The following CSMD1 variants were observed in gnomAD, a reference collection of about 807,000 sequenced individuals.
The protein encoded by CSMD1 is CUB and sushi domain-containing protein 1.
Under a neutral mutation model 417.5 loss-of-function variants are expected in CSMD1, and 213 were observed. That is an observed-to-expected ratio of 0.51 (90% CI 0.46 to 0.57). The LOEUF (loss-of-function observed/expected upper bound fraction) is 0.57. CSMD1 is among the 20% of genes least tolerant of loss of function. The pLI is 0.00. For missense variants in CSMD1, 6,923 were observed against 4,529.7 expected, an observed-to-expected ratio of 1.53 and a Z score of -15.17; for synonymous variants, 2,862 against 1,736.8, an observed-to-expected ratio of 1.65 and a Z score of -16.11.
intron 5 of CSMD1, among the ~76,000 whole-genome samples, chr8:3,795,727 T>C (rs188224116): frequency 0.057 from 2,646 of 46,770 alleles, 1,096 homozygotes; most frequent in Non-Finnish European, 0.09. Flanking sequence ...GCTATAGATA[T>C]CTATCATGTA....
intron 3 of CSMD1, among the ~76,000 whole-genome samples, chr8:4,218,718 A>T (rs972787517): frequency 1.3e-5 from 2 of 152,192 alleles, no homozygotes; most frequent in African/African-American, 2.4e-5. Flanking sequence ...CATTACAGTG[A>T]TGGTGACTGG....
chr8:3,140,933 TTC>T (rs1818399546), intron 41 of CSMD1, among the ~76,000 whole-genome samples: 1 of 152,244 alleles, frequency 6.6e-6, no homozygotes, highest in Admixed American at 6.5e-5. Context: ...CTGATTTTTT[TTC>T]TCTTTTTGTG....
At chr8:4,161,797 A>C in intron 3 of CSMD1, among the ~76,000 whole-genome samples, 1 of 152,112 alleles carries the variant, frequency 6.6e-6, no homozygotes, top group East Asian at 1.9e-4. Flanking sequence ...AAGAAACAAA[A>C]TTTGTTCATT....
intron 19 of CSMD1, 95 bp downstream of exon 19, chr8:3,369,159 C>G: frequency 1.6e-6 from 1 of 610,256 alleles, no homozygotes; most frequent in Non-Finnish European, 2.9e-6. Context: ...AAGTAGTTAT[C>G]TCACTTGTTT....
At chr8:4,655,802 G>T (rs1022046323) in intron 1 of CSMD1, among the ~76,000 whole-genome samples, 2 of 152,060 alleles carry the variant, frequency 1.3e-5, no homozygotes, top group African/African-American at 2.4e-5. Flanking sequence ...ATTACTCAAA[G>T]ACCTCCAACA....
intron 1 of CSMD1, among the ~76,000 whole-genome samples, chr8:4,784,747 T>C (rs903237782): frequency 6.6e-6 from 1 of 152,318 alleles, no homozygotes; most frequent in Non-Finnish European, 1.5e-5. Flanking sequence ...AATGAAGTCA[T>C]ATCTGCAAAG....
At chr8:4,383,899 C>T (rs1030176720) in intron 3 of CSMD1, among the ~76,000 whole-genome samples, 4 of 152,080 alleles carry the variant, frequency 2.6e-5, no homozygotes, top group Non-Finnish European at 5.9e-5. Flanking sequence ...ATTTTAGATA[C>T]TCATAAATGT....
chr8:4,631,736 G>A (rs893961580), intron 2 of CSMD1, among the ~76,000 whole-genome samples: 1 of 152,122 alleles, frequency 6.6e-6, no homozygotes, highest in African/African-American at 2.4e-5. Flanking sequence ...ATGATTTTCT[G>A]ATTTTAATGG....
At chr8:3,615,115 C>A (rs908830183) in intron 8 of CSMD1, among the ~76,000 whole-genome samples, 1 of 152,170 alleles carries the variant, frequency 6.6e-6, no homozygotes, top group Admixed American at 6.5e-5. Context: ...CAGCATCCTT[C>A]TGTTAGCTGC....
At chr8:4,492,340 A>C (rs913043816) in intron 2 of CSMD1, among the ~76,000 whole-genome samples, 4 of 152,162 alleles carry the variant, frequency 2.6e-5, no homozygotes, top group African/African-American at 2.4e-5. Context: ...TCCAAGGAGA[A>C]AATTTAAACA....
intron 3 of CSMD1, among the ~76,000 whole-genome samples, chr8:4,060,402 C>G (rs967910123): frequency 3.3e-5 from 5 of 152,200 alleles, no homozygotes; most frequent in African/African-American, 1.2e-4. Context: ...GATGCCCTCT[C>G]TCACCACTCC....
intron 46 of CSMD1, among the ~76,000 whole-genome samples, chr8:3,103,582 T>C (rs2129013466): frequency 6.6e-6 from 1 of 151,752 alleles, no homozygotes; most frequent in Non-Finnish European, 1.5e-5. Context: ...ATTTTCAGCT[T>C]CATTATAATC....
At chr8:3,894,752 T>A (rs1392367455) in intron 5 of CSMD1, among the ~76,000 whole-genome samples, 1 of 152,200 alleles carries the variant, frequency 6.6e-6, no homozygotes, top group Non-Finnish European at 1.5e-5. Context: ...TAAGGAAGTG[T>A]CTCTGCTTCC....
chr8:4,058,650 T>C (rs1183690870), intron 3 of CSMD1, among the ~76,000 whole-genome samples: 2 of 148,640 alleles, frequency 1.3e-5, no homozygotes, highest in East Asian at 2.0e-4. Context: ...TCCTAGTCTC[T>C]GATAAAACAG....
chr8:3,844,371 A>G (rs1188329767), intron 5 of CSMD1, among the ~76,000 whole-genome samples: 1 of 152,164 alleles, frequency 6.6e-6, no homozygotes, highest in African/African-American at 2.4e-5. Context: ...TATCTGGTAG[A>G]CACACATACA....
intron 1 of CSMD1, among the ~76,000 whole-genome samples, chr8:4,810,620 G>C (rs142782132): frequency 3.3e-5 from 5 of 152,074 alleles, no homozygotes; most frequent in Non-Finnish European, 4.4e-5. Flanking sequence ...AGGGGTTCCA[G>C]GAAAATATGC....
At chr8:3,499,923 A>T (rs1372968134) in intron 10 of CSMD1, among the ~76,000 whole-genome samples, 2 of 152,044 alleles carry the variant, frequency 1.3e-5, no homozygotes, top group African/African-American at 4.8e-5. Flanking sequence ...ACCCGGTGTG[A>T]GTTCTCTCCC....
At position 3,060,151 on chromosome 8, in the gene CSMD1, CT is replaced by C. The variant is rs34354746; in HGVS notation, c.7475-7505del. On this transcript the variant is annotated intron_variant, in intron 49 of 69. Coordinates refer to ENST00000635120, the MANE Select transcript of CSMD1 (RefSeq NM_033225.6). ...AGCCTGTCCTAAAAATTACTAACAA[CT>C]TTTTTTTTTTTTTTTCTGAGTCTCA... Among the ~76,000 whole-genome samples the C allele has an allele frequency of 9.3e-3, 1,308 of 140,028 alleles. 14 individuals carry two copies. Among genetic ancestry groups the C allele is most frequent in the African/African-American group, 0.021 (786 of 38,164 alleles). The allele number at this position is 140,028 out of a possible 152,430, so 91.9% of individuals were successfully genotyped here.
At chr8:3,790,082 TTA>T (rs1799653468) in intron 5 of CSMD1, among the ~76,000 whole-genome samples, 1 of 152,216 alleles carries the variant, frequency 6.6e-6, no homozygotes, top group South Asian at 2.1e-4. Context: ...TGAAGGTCCA[TTA>T]TATGTCTATT....
Sources: allele counts gnomAD v4.1 joint callset (sites outside exome capture counted in the v4.1 genomes callset), GRCh38; gene constraint gnomAD v4.1.1; transcripts MANE v1.5; gene names NCBI Gene and HGNC (gene_info 2026-07-23, HGNC 2026-07-21).